MID1: variants seen among roughly 807,000 people sequenced by gnomAD.
MID1 encodes E3 ubiquitin-protein ligase Midline-1.
MID1 carries 7 observed loss-of-function variants against 40.4 expected under a neutral mutation model. The ratio of observed to expected loss-of-function variants is 0.17; its 90% confidence interval spans 0.10 to 0.33. MID1 has a LOEUF of 0.33. MID1 is among the 10% of genes least tolerant of loss of function. The probability of loss-of-function intolerance (pLI) is 1.00; values close to 1 mark genes in which losing one functional copy is unlikely to be tolerated. For synonymous variants in MID1, 229 were observed against 221.2 expected, an observed-to-expected ratio of 1.04 and a Z score of -0.31; for missense variants, 367 against 558.5, an observed-to-expected ratio of 0.66 and a Z score of 3.46.
At chrX:10,715,081 A>G (rs5979349) in intron 1 of MID1, among the ~76,000 whole-genome samples, 18,538 of 111,647 alleles carry the variant, frequency 0.17, 2,444 homozygotes, top group African/African-American at 0.45. Context: ...CAAGATGGCC[A>G]AATAGGAACA....
chrX:10,785,060 G>A lies in MID1; in HGVS notation c.-187+48494C>T, dbSNP rs752138640. 7.0e-3 allele frequency among the ~76,000 whole-genome samples: 780 copies of A among 111,205 alleles called. 4 individuals carry two copies. The highest frequency in any genetic ancestry group is 0.011 in the Non-Finnish European group (560 of 53,074). ...TGCAGATGACATGATTGTATATCTA[G>A]AAAACCCCATCGTCTCAGCCCAAAA... On this transcript the variant is annotated intron_variant, in intron 1 of 10. Coordinates refer to the MID1 transcript ENST00000380785.
chrX:10,792,849 C>T (rs1445884487), intron 1 of MID1, among the ~76,000 whole-genome samples: 1 of 111,335 alleles, frequency 9.0e-6, no homozygotes, highest in Non-Finnish European at 1.9e-5. Context: ...ACTAGACAAC[C>T]ACTGAATTGT....
At chrX:10,553,809 T>C (rs1602394589) in intron 2 of MID1, among the ~76,000 whole-genome samples, 1 of 112,088 alleles carries the variant, frequency 8.9e-6, no homozygotes, top group African/African-American at 3.2e-5. Flanking sequence ...TCCTCAATCA[T>C]AGTCACCACT....
intron 3 of MID1, among the ~76,000 whole-genome samples, chrX:10,516,613 C>T (rs111255854): frequency 0.021 from 1,312 of 61,351 alleles, 10 homozygotes; most frequent in African/African-American, 0.059. Flanking sequence ...TGTGTGTGCG[C>T]GCGCGCACGC....
chrX:10,729,205 C>A lies in MID1; in HGVS notation c.-187+104349G>T, dbSNP rs189757618. On this transcript the variant is annotated intron_variant, in intron 1 of 10. Coordinates refer to the MID1 transcript ENST00000380785. Reference sequence around the variant, plus strand: ...TTGCTCCTGCAGACAAACTGGGAGCCGTTCTAAAGGAGAGGGTCACATTTC... The same window carrying A: ...TTGCTCCTGCAGACAAACTGGGAGCAGTTCTAAAGGAGAGGGTCACATTTC... Among the ~76,000 whole-genome samples the A allele has an allele frequency of 5.4e-3, 598 of 111,678 alleles. 4 individuals are homozygous for A. The highest frequency in any genetic ancestry group is 0.018 in the African/African-American group (565 of 30,768).
At chrX:10,474,898 CACAGTA>C in intron 5 of MID1, 148 bp from the exon 6 acceptor site, 1 of 546,783 alleles carries the variant, frequency 1.8e-6, no homozygotes, top group Non-Finnish European at 3.1e-6. Flanking sequence ...AATGTCACAA[CACAGTA>C]ACATAAAACA....
chrX:10,552,557 T>G (rs1219982080), intron 2 of MID1, among the ~76,000 whole-genome samples: 1 of 111,187 alleles, frequency 9.0e-6, no homozygotes, highest in African/African-American at 3.3e-5. Context: ...TAAATAGTCG[T>G]TATACTTTTT....
At chrX:10,462,429 T>C (rs977151962) in intron 7 of MID1, among the ~76,000 whole-genome samples, 7 of 111,696 alleles carry the variant, frequency 6.3e-5, no homozygotes, top group African/African-American at 2.3e-4. Context: ...CTTCTCTGCC[T>C]TGACACCCCA....
At chrX:10,582,518 C>T (rs1252510209) in intron 1 of MID1, among the ~76,000 whole-genome samples, 1 of 111,889 alleles carries the variant, frequency 8.9e-6, no homozygotes, top group Non-Finnish European at 1.9e-5. Context: ...TAGCAGTTAC[C>T]ACAGAGGCAG....
intron 1 of MID1, among the ~76,000 whole-genome samples, chrX:10,782,688 T>C (rs1271134282): frequency 2.7e-5 from 3 of 112,471 alleles, no homozygotes; most frequent in Non-Finnish European, 5.6e-5. Flanking sequence ...CTGTTGAATC[T>C]AGTAATATAG....
intron 1 of MID1, among the ~76,000 whole-genome samples, chrX:10,583,812 C>G (rs981298883): frequency 2.7e-5 from 3 of 110,344 alleles, no homozygotes; most frequent in Non-Finnish European, 3.8e-5. Context: ...GCGGGTGGAT[C>G]ACGACATTAG....
In MID1 at chrX:10,796,413, G is replaced by GTT. The variant is rs60292194; in HGVS notation, c.-187+37139_-187+37140dup. ...CTGTTTACAGAAAGAAGAAAATTCAGTTTTTTTTTTTCAGTTTTTTTTTTA... is the reference window on the plus strand; with the variant it reads ...CTGTTTACAGAAAGAAGAAAATTCAGTTTTTTTTTTTTTCAGTTTTTTTTTTA... On this transcript the variant is annotated intron_variant, in intron 1 of 10. Coordinates refer to the MID1 transcript ENST00000380785. Among the ~76,000 whole-genome samples, 129 of 86,707 alleles carry GTT rather than the reference G, an allele frequency of 1.5e-3. 1 individual carries two copies. Among genetic ancestry groups the GTT allele is most frequent in the African/African-American group, 5.1e-3 (118 of 22,935 alleles). 75.3% of individuals were successfully genotyped at this position (86,707 alleles called of 115,157 possible).
intron 1 of MID1, among the ~76,000 whole-genome samples, chrX:10,715,394 T>A (rs2043294607): frequency 8.9e-6 from 1 of 112,102 alleles, no homozygotes; most frequent in Admixed American, 9.4e-5. Flanking sequence ...CACCAGGAGA[T>A]TATATCCCAT....
chrX:10,581,755 C>T (rs1424772937), intron 1 of MID1, among the ~76,000 whole-genome samples: 3 of 112,096 alleles, frequency 2.7e-5, no homozygotes, highest in East Asian at 2.8e-4. Context: ...ATTCTTAACA[C>T]TAATGACTTA....
At chrX:10,450,281 A>G (rs1928251458) in intron 9 of MID1, among the ~76,000 whole-genome samples, 1 of 112,573 alleles carries the variant, frequency 8.9e-6, no homozygotes, top group South Asian at 3.7e-4. Context: ...TGACCTTCTT[A>G]TAATTTTTCA....
At chrX:10,683,770 C>CTTTTTT (rs34917176) in intron 1 of MID1, among the ~76,000 whole-genome samples, 459 of 45,085 alleles carry the variant, frequency 0.01, 78 homozygotes, top group African/African-American at 0.033. Context: ...TGCACGTCAT[C>CTTTTTT]TTTTTTTTTT....
chrX:10,785,248 C>T (rs2043874186), intron 1 of MID1, among the ~76,000 whole-genome samples: 1 of 110,174 alleles, frequency 9.1e-6, no homozygotes. Context: ...ACCTAGGAAT[C>T]CAACTTACAA....
intron 1 of MID1, among the ~76,000 whole-genome samples, chrX:10,569,995 C>T (rs1438600493): frequency 8.9e-6 from 1 of 112,050 alleles, no homozygotes; most frequent in African/African-American, 3.2e-5. Flanking sequence ...AGTCTATCCT[C>T]CACTCAGAAG....
At chrX:10,623,690 G>A (rs1388086540), upstream of MID1, among the ~76,000 whole-genome samples, 2 of 111,539 alleles carry the variant, frequency 1.8e-5, no homozygotes, top group Non-Finnish European at 3.8e-5. Flanking sequence ...AACATGGAGT[G>A]AATGTTTGTG....
Sources: gnomAD v4.1 joint callset for allele counts (sites outside exome capture counted in the v4.1 genomes callset) on GRCh38, gnomAD v4.1.1 for gene constraint, MANE v1.5 for transcripts, NCBI Gene and HGNC (gene_info 2026-07-23, HGNC 2026-07-21) for gene names.